The following TIAM1 variants were observed in gnomAD, a reference collection of about 807,000 sequenced individuals.
The protein encoded by TIAM1 is TIAM Rac1 associated GEF 1.
TIAM1 carries 65 observed loss-of-function variants against 163.5 expected under a neutral mutation model. That is an observed-to-expected ratio of 0.40 (90% CI 0.33 to 0.49). The LOEUF (loss-of-function observed/expected upper bound fraction) is 0.49. TIAM1 is among the 20% of genes least tolerant of loss of function. The probability of loss-of-function intolerance (pLI) is 0.77; values close to 1 mark genes in which losing one functional copy is unlikely to be tolerated. For synonymous variants in TIAM1, 833 were observed against 810.1 expected (o/e 1.03, Z -0.48); for missense variants, 1,789 against 2,044.7 (o/e 0.87, Z 2.41).
At chr21:31,294,046 C>T (rs982326338) in intron 2 of TIAM1, among the ~76,000 whole-genome samples, 1 of 152,118 alleles carries the variant, frequency 6.6e-6, no homozygotes, top group African/African-American at 2.4e-5. Flanking sequence ...AAATCATCAC[C>T]CTCTCCCACC....
At chr21:31,286,234 A>G (rs1601828784) in intron 2 of TIAM1, among the ~76,000 whole-genome samples, 1 of 152,192 alleles carries the variant, frequency 6.6e-6, no homozygotes. Flanking sequence ...TGCAGCAAAG[A>G]ATATTGCATT....
At chr21:31,413,658 T>C (rs2043284667) in intron 2 of TIAM1, among the ~76,000 whole-genome samples, 2 of 152,198 alleles carry the variant, frequency 1.3e-5, no homozygotes, top group Admixed American at 6.5e-5. Context: ...TTAAATTGAT[T>C]ATCATTCTGC....
intron 1 of TIAM1, among the ~76,000 whole-genome samples, chr21:31,468,911 G>A (rs564365344): frequency 3.3e-5 from 5 of 151,948 alleles, no homozygotes; most frequent in African/African-American, 4.8e-5. Flanking sequence ...GAGGCACCAC[G>A]GGCAGGGATG....
intron 2 of TIAM1, among the ~76,000 whole-genome samples, chr21:31,315,411 A>C (rs1285326761): frequency 6.6e-6 from 1 of 151,936 alleles, no homozygotes; most frequent in Non-Finnish European, 1.5e-5. Flanking sequence ...GCTACTCGGG[A>C]GGCTGAGGCA....
intron 2 of TIAM1, among the ~76,000 whole-genome samples, chr21:31,331,313 A>G (rs1219425462): frequency 6.6e-6 from 1 of 152,184 alleles, no homozygotes; most frequent in Non-Finnish European, 1.5e-5. Context: ...GCAAAACTGT[A>G]GGCATCTCAA....
At chr21:31,220,322 C>A (rs1443891621) in intron 8 of TIAM1, among the ~76,000 whole-genome samples, 1 of 152,184 alleles carries the variant, frequency 6.6e-6, no homozygotes, top group Non-Finnish European at 1.5e-5. Context: ...CTGACGGATG[C>A]CAGGCACTTA....
chr21:31,291,018 C>T (rs2074000003), intron 2 of TIAM1, among the ~76,000 whole-genome samples: 1 of 152,106 alleles, frequency 6.6e-6, no homozygotes, highest in Non-Finnish European at 1.5e-5. Flanking sequence ...TATCCCTTCA[C>T]CAGTAGTTAA....
intron 2 of TIAM1, among the ~76,000 whole-genome samples, chr21:31,380,865 A>G (rs2076767402): frequency 6.6e-6 from 1 of 152,222 alleles, no homozygotes; most frequent in Admixed American, 6.5e-5. Flanking sequence ...CAGGGGCTTT[A>G]GAATAAAACT....
chr21:31,397,149 C>T (rs2077087313), intron 2 of TIAM1, among the ~76,000 whole-genome samples: 1 of 152,068 alleles, frequency 6.6e-6, no homozygotes, highest in African/African-American at 2.4e-5. Context: ...GATGTAACAT[C>T]AAAGAGGTAA....
At chr21:31,359,852 GGAAGGA>G (rs879522691) in intron 2 of TIAM1, among the ~76,000 whole-genome samples, 6,611 of 134,246 alleles carry the variant, frequency 0.049, 296 homozygotes, top group South Asian at 0.14. Flanking sequence ...AAGGAAGGAA[GGAAGGA>G]AGGAAGGGAG....
rs201631469 is a variant in TIAM1, at chr21:31,266,509, T to C, written c.464A>G (p.Asn155Ser). The change falls in exon 4 of 28, where the codon AAT becomes AGT. Residue 155 changes from asparagine to serine, a missense_variant. Physicochemically the swap from Asn to Ser is conservative, Grantham distance 46 (BLOSUM62 1). This residue lies in a region of TIAM1 where 555 missense variants were observed against 564.9 expected (regional missense o/e 0.98). Coordinates refer to ENST00000541036, the MANE Select transcript of TIAM1 (RefSeq NM_001353694.2). ...CGCCGTCTCCATGAAAGTGGGCCCA[T>C]TGGATGTATAGGAATGCTGCCTCCT... ...GGRRQHSYTS[N>S]GPTFMETASF... 1.3e-5 allele frequency: 21 copies of C among 1,614,134 alleles called. No homozygotes were observed. The East Asian group carries it at 2.5e-4, about 19-fold the overall frequency.
intron 2 of TIAM1, among the ~76,000 whole-genome samples, chr21:31,354,656 G>A (rs2147123051): frequency 6.6e-6 from 1 of 152,276 alleles, no homozygotes; most frequent in South Asian, 2.1e-4. Context: ...GGTAAAACAT[G>A]CATGACAGGT....
chr21:31,518,755 T>C (rs536445947), intron 1 of TIAM1, among the ~76,000 whole-genome samples: 55 of 152,182 alleles, frequency 3.6e-4, no homozygotes, highest in African/African-American at 1.3e-3. Flanking sequence ...ATCATGGAGA[T>C]AGGACAAAGC....
intron 2 of TIAM1, among the ~76,000 whole-genome samples, chr21:31,281,464 T>C (rs1041770666): frequency 6.6e-6 from 1 of 152,216 alleles, no homozygotes; most frequent in Non-Finnish European, 1.5e-5. Context: ...TGTCCCCAAA[T>C]TTTCCATAAC....
chr21:31,315,960 G>C (rs911221163), intron 2 of TIAM1, among the ~76,000 whole-genome samples: 1 of 152,342 alleles, frequency 6.6e-6, no homozygotes, highest in Admixed American at 6.5e-5. Context: ...CTGGGAGACA[G>C]AGCGAGACTC....
At chr21:31,462,297 G>A (rs890963171) in intron 2 of TIAM1, among the ~76,000 whole-genome samples, 11 of 152,164 alleles carry the variant, frequency 7.2e-5, no homozygotes, top group African/African-American at 2.4e-4. Context: ...CAGGCCCATG[G>A]GCTGTGATTT....
At chr21:31,400,856 C>T (rs1341310244) in intron 2 of TIAM1, among the ~76,000 whole-genome samples, 4 of 151,498 alleles carry the variant, frequency 2.6e-5, no homozygotes, top group African/African-American at 4.9e-5. Flanking sequence ...TTTGGGAGGC[C>T]GAGGTGGGTG....
intron 2 of TIAM1, among the ~76,000 whole-genome samples, chr21:31,297,001 C>T (rs2074302850): frequency 6.6e-6 from 1 of 152,130 alleles, no homozygotes; most frequent in South Asian, 2.1e-4. Flanking sequence ...AAAGGCATAT[C>T]CTTGACATCC....
intron 2 of TIAM1, among the ~76,000 whole-genome samples, chr21:31,367,033 C>A (rs772102914): frequency 6.6e-6 from 1 of 151,836 alleles, no homozygotes; most frequent in Non-Finnish European, 1.5e-5. Flanking sequence ...CATGAGTATT[C>A]AGATTTGGAT....
Sources: gnomAD v4.1 joint callset for allele counts (sites outside exome capture counted in the v4.1 genomes callset) on GRCh38, gnomAD v4.1.1 for gene constraint, gnomAD v4.1.1 regional missense constraint, MANE v1.5 for transcripts, NCBI Gene and HGNC (gene_info 2026-07-23, HGNC 2026-07-21) for gene names.